UGT1A10: variants seen among roughly 807,000 people sequenced by gnomAD.
UGT1A10 encodes UDP-glucuronosyltransferase 1A10.
UGT1A10 carries 49 observed loss-of-function variants against 45.8 expected under a neutral mutation model. The observed-to-expected ratio is 1.07, with a 90% CI of 0.85 to 1.36. The LOEUF is 1.36. UGT1A10 is among the 40% of genes most tolerant of loss of function. The probability of loss-of-function intolerance (pLI) is 0.00; values close to 1 mark genes in which losing one functional copy is unlikely to be tolerated. For synonymous variants in UGT1A10, 284 were observed against 249.7 expected, an observed-to-expected ratio of 1.14 and a Z score of -1.29; for missense variants, 745 against 668.6, an observed-to-expected ratio of 1.11 and a Z score of -1.26.
intron 1 of UGT1A10, chr2:233,693,300 T>C: frequency 1.2e-6 from 2 of 1,614,182 alleles, no homozygotes; most frequent in African/African-American, 2.7e-5. Context: ...AACAATCACT[T>C]TGCTGAGCGA....
chr2:233,752,600 T>C (rs1023436245), intron 1 of UGT1A10: 2 of 152,076 alleles, frequency 1.3e-5, no homozygotes, highest in African/African-American at 4.8e-5. Flanking sequence ...AGATTTTTTT[T>C]AAAAAAACAT....
intron 1 of UGT1A10, among the ~76,000 whole-genome samples, chr2:233,727,772 CAGTAGACG>C (rs1364688082): frequency 6.6e-6 from 1 of 152,208 alleles, no homozygotes; most frequent in Non-Finnish European, 1.5e-5. Context: ...GGGTGTCCCC[CAGTAGACG>C]CTTCCATTCA....
chr2:233,637,521 A>T, intron 1 of UGT1A10, 144 bp downstream of exon 1: 2 of 1,435,782 alleles, frequency 1.4e-6, no homozygotes, highest in Middle Eastern at 1.8e-4. Flanking sequence ...GTGCGAATTC[A>T]TGTACTCATC....
chr2:233,772,754 T>C lies in UGT1A10; in HGVS notation c.*195T>C. On this transcript the variant is annotated 3_prime_UTR_variant, in exon 5 of 5. Transcript: ENST00000344644. ...GCTAGTCAGTAAAGATATTTGAATA[T>C]GTATCGTGCCCCCTCTGGTGTCTTT... 2 of 1,409,478 alleles carry C rather than the reference T, an allele frequency of 1.4e-6. No individual in the cohort carries two copies. Among genetic ancestry groups the C allele is most frequent in the Non-Finnish European group, 1.9e-6 (2 of 1,074,872 alleles). 87.3% of individuals were successfully genotyped at this position (1,409,478 alleles called of 1,614,324 possible).
chr2:233,645,186 C>T (rs1012964887), intron 1 of UGT1A10, among the ~76,000 whole-genome samples: 1 of 152,172 alleles, frequency 6.6e-6, no homozygotes, highest in African/African-American at 2.4e-5. Flanking sequence ...GTTGACTAGG[C>T]TTCTTGAGAG....
At chr2:233,647,473 T>C (rs2073634866) in intron 1 of UGT1A10, among the ~76,000 whole-genome samples, 1 of 152,240 alleles carries the variant, frequency 6.6e-6, no homozygotes, top group Non-Finnish European at 1.5e-5. Context: ...ATTTCTTCCT[T>C]CAGTGTTTGG....
rs1435939342 is a variant in UGT1A10, at chr2:233,666,448, C to T, written c.855+29071C>T. 3.9e-5 allele frequency among the ~76,000 whole-genome samples: 6 copies of T among 152,244 alleles called. No individual in the cohort carries two copies. In the East Asian group the frequency reaches 1.2e-3, roughly 29 times the overall value. On this transcript the variant is annotated intron_variant, in intron 1 of 4. Coordinates refer to ENST00000344644, the MANE Select transcript of UGT1A10 (RefSeq NM_019075.4). ...TTTGATTACCCTAATCATTAGTTAT[C>T]TTGAACGTCTTTACATGTGCCTGTT...
intron 1 of UGT1A10, among the ~76,000 whole-genome samples, chr2:233,735,199 T>C (rs2078621377): frequency 6.6e-6 from 1 of 152,232 alleles, no homozygotes; most frequent in Non-Finnish European, 1.5e-5. Flanking sequence ...TAGGTGCTCC[T>C]GTATTGGGTG....
At chr2:233,745,540 A>C (rs952908361) in intron 1 of UGT1A10, among the ~76,000 whole-genome samples, 1 of 151,766 alleles carries the variant, frequency 6.6e-6, no homozygotes, top group African/African-American at 2.4e-5. Flanking sequence ...TTATGTCACC[A>C]GAACAAACTT....
At chr2:233,691,686 G>T in intron 1 of UGT1A10, 1 of 955,316 alleles carries the variant, frequency 1.0e-6, no homozygotes, top group South Asian at 5.0e-5. Flanking sequence ...GAAACCTGAA[G>T]CTCAGGAGAG....
chr2:233,673,037 T>C (rs1438037176), intron 1 of UGT1A10, among the ~76,000 whole-genome samples: 1 of 152,216 alleles, frequency 6.6e-6, no homozygotes, highest in Non-Finnish European at 1.5e-5. Context: ...TTAAGTACCA[T>C]GTTTAGAAAA....
At chr2:233,637,428 A>G in intron 1 of UGT1A10, 51 bp downstream of exon 1, 1 of 1,548,340 alleles carries the variant, frequency 6.5e-7, no homozygotes, top group Non-Finnish European at 8.7e-7. Context: ...TTTGGAAATT[A>G]AAAAAGGATT....
chr2:233,766,296 C>G (rs1251598094), intron 1 of UGT1A10, among the ~76,000 whole-genome samples: 2 of 152,064 alleles, frequency 1.3e-5, no homozygotes, highest in Non-Finnish European at 2.9e-5. Context: ...GTGGCCTGGG[C>G]TCTCCTCCGA....
At chr2:233,732,618 A>G (rs2078289754) in intron 1 of UGT1A10, among the ~76,000 whole-genome samples, 1 of 152,068 alleles carries the variant, frequency 6.6e-6, no homozygotes, top group Non-Finnish European at 1.5e-5. Flanking sequence ...ATGGTTGTAG[A>G]TGTGTGGTGT....
intron 1 of UGT1A10, among the ~76,000 whole-genome samples, chr2:233,738,130 C>T (rs1187217692): frequency 6.6e-6 from 1 of 152,186 alleles, no homozygotes; most frequent in Admixed American, 6.5e-5. Flanking sequence ...ATAAGGGGCC[C>T]TTATCCCTTC....
intron 1 of UGT1A10, among the ~76,000 whole-genome samples, chr2:233,711,929 A>C (rs1575497188): frequency 6.6e-6 from 1 of 152,234 alleles, no homozygotes; most frequent in East Asian, 1.9e-4. Flanking sequence ...GGGTCTCTCC[A>C]TTAGAAAGGC....
At chr2:233,771,306 T>TTTCCCTCTCCTC (rs2126060458) in intron 4 of UGT1A10, 1 of 152,368 alleles carries the variant, frequency 6.6e-6, no homozygotes, top group South Asian at 2.1e-4. Context: ...TCCTCCTCCT[T>TTTCCCTCTCCTC]TTCCCTCTCC....
At chr2:233,715,302 T>C (rs1054337929) in intron 1 of UGT1A10, among the ~76,000 whole-genome samples, 14 of 152,238 alleles carry the variant, frequency 9.2e-5, no homozygotes, top group African/African-American at 2.7e-4. Context: ...GGCTCTTGAA[T>C]AGGTTTTGCT....
chr2:233,646,220 G>A (rs1280745628), intron 1 of UGT1A10, among the ~76,000 whole-genome samples: 1 of 152,292 alleles, frequency 6.6e-6, no homozygotes. Context: ...CACACAGCAG[G>A]GGGCCCTGGG....
Sources: allele counts gnomAD v4.1 joint callset (sites outside exome capture counted in the v4.1 genomes callset), GRCh38; gene constraint gnomAD v4.1.1; transcripts MANE v1.5; gene names NCBI Gene and HGNC (gene_info 2026-07-23, HGNC 2026-07-21).